FGF1: variants seen among roughly 807,000 people sequenced by gnomAD.
FGF1 encodes the protein fibroblast growth factor 1, also known as beta-endothelial cell growth factor.
Under a neutral mutation model 13.4 loss-of-function variants are expected in FGF1, and 9 were observed. The observed-to-expected ratio is 0.67, with a 90% confidence interval of 0.40 to 1.17. The LOEUF (loss-of-function observed/expected upper bound fraction) is 1.17. FGF1 is among the 50% of genes most tolerant of loss of function. The pLI is 0.01. For synonymous variants in FGF1, 93 were observed against 79.0 expected, an observed-to-expected ratio of 1.18 and a Z score of -0.94; for missense variants, 156 against 192.7, an observed-to-expected ratio of 0.81 and a Z score of 1.13.
At chr5:142,695,130 T>G (rs2152074050) in intron 2 of FGF1, among the ~76,000 whole-genome samples, 1 of 152,354 alleles carries the variant, frequency 6.6e-6, no homozygotes, top group African/African-American at 2.4e-5. Context: ...ACTCATTTCT[T>G]TGAGACTTGG....
Position 142,618,913 on chromosome 5 carries a change from AT to A in FGF1, c.-34-4753del, listed in dbSNP as rs201930489. On this transcript the variant is annotated intron_variant, in intron 1 of 3. Transcript: ENST00000337706. ...CAAAGGAAGGCAAACACTGACATTT[AT>A]TTTTTAGTTGTTTTGTTTTTTTTTT... Among the ~76,000 whole-genome samples the A allele has an allele frequency of 4.6e-3, 506 of 111,070 alleles. 18 individuals carry two copies. The highest frequency in any genetic ancestry group is 0.039 in the Admixed American group (446 of 11,366). The allele number at this position is 111,070 out of a possible 152,430, so 72.9% of individuals were successfully genotyped here.
intron 1 of FGF1, among the ~76,000 whole-genome samples, chr5:142,659,935 C>G (rs1380502014): frequency 1.3e-5 from 2 of 152,212 alleles, no homozygotes; most frequent in African/African-American, 4.8e-5. Context: ...CTCTTTGACT[C>G]CAGAGCAGGC....
intron 1 of FGF1, among the ~76,000 whole-genome samples, chr5:142,649,311 C>T (rs1333087853): frequency 1.3e-5 from 2 of 152,076 alleles, no homozygotes; most frequent in African/African-American, 2.4e-5. Context: ...GGATTATTCA[C>T]TTTCATACAT....
At chr5:142,655,598 A>G (rs1424935762) in intron 1 of FGF1, among the ~76,000 whole-genome samples, 3 of 152,214 alleles carry the variant, frequency 2.0e-5, no homozygotes, top group Non-Finnish European at 4.4e-5. Context: ...TGCAATCCCA[A>G]TAGCTTAACT....
In FGF1 at chr5:142,623,745, A is replaced by ATT. The variant is rs200125870; in HGVS notation, c.-34-9585_-34-9584insAA. Among the ~76,000 whole-genome samples, 22 of 107,106 alleles carry ATT rather than the reference A, an allele frequency of 2.1e-4. No homozygotes were observed. The Middle Eastern group carries it at 0.018, about 87-fold the overall frequency. 70.3% of individuals were successfully genotyped at this position (107,106 alleles called of 152,430 possible). ...ATATTTTGTGTCATTTCATTAAAAA[A>ATT]ATTTTTTTTTTTTTTTGAGATAGGG... is the stretch of plus-strand genomic sequence containing the variant. On this transcript the variant is annotated intron_variant, in intron 1 of 3. Coordinates refer to ENST00000337706, the MANE Select transcript of FGF1 (RefSeq NM_000800.5).
intron 1 of FGF1, among the ~76,000 whole-genome samples, chr5:142,651,577 G>A (rs547412101): frequency 2.0e-5 from 3 of 152,096 alleles, no homozygotes; most frequent in African/African-American, 4.8e-5. Flanking sequence ...GTATAGTGAC[G>A]TATATCTACC....
chr5:142,642,978 T>A (rs767784345), intron 1 of FGF1, among the ~76,000 whole-genome samples: 5 of 152,242 alleles, frequency 3.3e-5, no homozygotes, highest in Non-Finnish European at 7.3e-5. Flanking sequence ...TTAGTCATTA[T>A]GCTAAACATT....
At chr5:142,623,694 A>G (rs1039827206) in intron 1 of FGF1, among the ~76,000 whole-genome samples, 1 of 151,962 alleles carries the variant, frequency 6.6e-6, no homozygotes, top group Middle Eastern at 3.4e-3. Context: ...TTAGGATTGA[A>G]CAAGCTTGAT....
At chr5:142,598,140 G>T (rs957337759) in intron 3 of FGF1, among the ~76,000 whole-genome samples, 2 of 152,190 alleles carry the variant, frequency 1.3e-5, no homozygotes, top group Admixed American at 6.5e-5. Context: ...TAGACAGCTT[G>T]GACCTATGTG....
chr5:142,594,568 T>C lies in FGF1; in HGVS notation c.*722A>G, dbSNP rs1424452394. On this transcript the variant is annotated 3_prime_UTR_variant, in exon 4 of 4. Coordinates refer to ENST00000337706, the MANE Select transcript of FGF1 (RefSeq NM_000800.5). ...CCTTGCTTGTTATCAGGAAACCACT[T>C]CTAGTGCTCTCCACCTGAAGTCACC... The C allele has an allele frequency of 2.0e-5, 3 of 152,280 alleles. No individual in the cohort carries two copies. Among genetic ancestry groups the C allele is most frequent in the Non-Finnish European group, 2.9e-5 (2 of 68,140 alleles). 9.4% of individuals were successfully genotyped at this position (152,280 alleles called of 1,614,324 possible).
intron 1 of FGF1, chr5:142,671,961 C>A (rs1771540870): frequency 6.6e-6 from 1 of 152,192 alleles, no homozygotes; most frequent in African/African-American, 2.4e-5. Context: ...TCAGGGCCCA[C>A]ATTTCAGCCA....
chr5:142,610,560 A>G (rs1758831771), intron 2 of FGF1, among the ~76,000 whole-genome samples: 1 of 152,106 alleles, frequency 6.6e-6, no homozygotes, highest in South Asian at 2.1e-4. Context: ...TGTCCCCCTG[A>G]GCTGAAGCTT....
At chr5:142,663,732 C>T (rs747229714) in intron 1 of FGF1, among the ~76,000 whole-genome samples, 31 of 152,188 alleles carry the variant, frequency 2.0e-4, no homozygotes, top group Non-Finnish European at 3.4e-4. Flanking sequence ...CCACCTCTCT[C>T]GCCCCAGATT....
intron 2 of FGF1, among the ~76,000 whole-genome samples, chr5:142,694,140 T>C (rs1319324021): frequency 2.0e-5 from 3 of 151,164 alleles, no homozygotes; most frequent in Non-Finnish European, 4.4e-5. Context: ...TCTATCTATG[T>C]CTATCTGCCT....
chr5:142,625,261 A>T (rs531151328), intron 1 of FGF1, among the ~76,000 whole-genome samples: 3 of 152,018 alleles, frequency 2.0e-5, no homozygotes, highest in Non-Finnish European at 4.4e-5. Context: ...CAAACAGCTC[A>T]GTCCCAGCCC....
intron 1 of FGF1, among the ~76,000 whole-genome samples, chr5:142,622,905 C>T (rs542529521): frequency 3.9e-5 from 6 of 152,328 alleles, no homozygotes; most frequent in East Asian, 1.9e-4. Flanking sequence ...TCTCATCTTC[C>T]GTGGTTGACA....
chr5:142,646,462 C>T (rs1195243435), intron 1 of FGF1, among the ~76,000 whole-genome samples: 1 of 151,906 alleles, frequency 6.6e-6, no homozygotes, highest in East Asian at 1.9e-4. Flanking sequence ...AAGCAATTTT[C>T]CTGCCTCAGC....
chr5:142,640,174 C>T (rs1325408534), intron 1 of FGF1, among the ~76,000 whole-genome samples: 1 of 151,954 alleles, frequency 6.6e-6, no homozygotes, highest in Non-Finnish European at 1.5e-5. Flanking sequence ...CTGAATTAGA[C>T]TATTATTCAT....
intron 2 of FGF1, among the ~76,000 whole-genome samples, chr5:142,605,126 G>T (rs1322307775): frequency 6.6e-6 from 1 of 151,904 alleles, no homozygotes; most frequent in African/African-American, 2.4e-5. Flanking sequence ...TCTTTCTTTT[G>T]AGATGGAGTC....
Sources: gnomAD v4.1 joint callset for allele counts (sites outside exome capture counted in the v4.1 genomes callset) on GRCh38, gnomAD v4.1.1 for gene constraint, MANE v1.5 for transcripts, NCBI Gene and HGNC (gene_info 2026-07-23, HGNC 2026-07-21) for gene names.